MGST1: variants seen among roughly 807,000 people sequenced by gnomAD.
MGST1 encodes the protein glutathione S-transferase 12.
Under a neutral mutation model 8.9 loss-of-function variants are expected in MGST1, and 5 were observed. The ratio of observed to expected loss-of-function variants is 0.56; its 90% CI spans 0.29 to 1.19. MGST1 has a LOEUF of 1.19. Among genes scored for constraint, MGST1 ranks in the 50% most tolerant of loss-of-function variants. The pLI is 0.08. For synonymous variants in MGST1, 54 were observed against 67.8 expected, an observed-to-expected ratio of 0.80 and a Z score of 1.00; for missense variants, 182 against 187.4, an observed-to-expected ratio of 0.97 and a Z score of 0.17.
rs1358738406 is a variant in MGST1, at chr12:16,354,153, A to G, written c.-22-78A>G. The G allele has an allele frequency of 5.8e-6, 6 of 1,036,610 alleles. No individual in the cohort carries two copies. The African/African-American group carries it at 9.8e-5, about 17-fold the overall frequency. 64.2% of individuals were successfully genotyped at this position (1,036,610 alleles called of 1,614,324 possible). ...AGAACAGTATAATTAATGCTGCAATATAAGAACATCAAATGATCTTCCAGT... is the reference window on the plus strand; with the variant it reads ...AGAACAGTATAATTAATGCTGCAATGTAAGAACATCAAATGATCTTCCAGT... On this transcript the variant is annotated intron_variant, in intron 1 of 3. Transcript: ENST00000396210.
intron 1 of MGST1, among the ~76,000 whole-genome samples, chr12:16,415,710 A>T (rs548382935): frequency 5.3e-5 from 8 of 152,352 alleles, no homozygotes; most frequent in African/African-American, 1.9e-4. Flanking sequence ...TCTGATCAAC[A>T]GTAGGCTATT....
chr12:16,524,754 T>A (rs1317705669), intron 4 of MGST1, among the ~76,000 whole-genome samples: 1 of 152,100 alleles, frequency 6.6e-6, no homozygotes, highest in Admixed American at 6.6e-5. Context: ...CCATCTATTA[T>A]ATACAGAGCT....
At position 16,513,720 on chromosome 12, in the gene MGST1, C is replaced by G. The variant is rs1403932387; in HGVS notation, n.483-75808C>G. ...TTTGCAAGGCATCTGCAGAAGTAGC[C>G]TTGGGCGAGAATAGCGAAGTCTCGA... is the stretch of plus-strand genomic sequence containing the variant. On this transcript the variant is annotated intron_variant and non_coding_transcript_variant, in intron 4 of 4. Transcript: ENST00000538857. This position sits in a 1 kb window ranked among gnomAD's most constrained non-coding sequence, Gnocchi z 4.2. 1.2e-5 allele frequency: 7 copies of G among 562,858 alleles called. No individual in the cohort carries two copies. In the African/African-American group the frequency reaches 1.3e-4, roughly 11 times the overall value. 34.9% of individuals were successfully genotyped at this position (562,858 alleles called of 1,614,324 possible).
intron 4 of MGST1, among the ~76,000 whole-genome samples, chr12:16,577,329 C>T (rs1195961463): frequency 1.3e-5 from 2 of 152,174 alleles, no homozygotes; most frequent in Non-Finnish European, 1.5e-5. Flanking sequence ...AGGACCATCT[C>T]TTATCACAAT....
intron 1 of MGST1, chr12:16,399,495 G>A (rs1050962811): frequency 1.1e-5 from 17 of 1,559,520 alleles, no homozygotes; most frequent in African/African-American, 2.7e-5. Flanking sequence ...ACTACCCAAC[G>A]ACTCCTTAGA....
chr12:16,504,839 T>A (rs1305844518), intron 4 of MGST1, among the ~76,000 whole-genome samples: 1 of 152,194 alleles, frequency 6.6e-6, no homozygotes, highest in Non-Finnish European at 1.5e-5. Flanking sequence ...TTCAACCTAA[T>A]CCTCAGACAA....
chr12:16,539,621 C>T lies in MGST1; in HGVS notation n.483-49907C>T, dbSNP rs537265457. The stretch of plus-strand genomic sequence containing the variant: ...GTCAACTGTATCAGCTGGTCCCCAC[C>T]GTATAATGTCTGCCGACTCTACCCC... On this transcript the variant is annotated intron_variant and non_coding_transcript_variant, in intron 4 of 4. Coordinates refer to the MGST1 transcript ENST00000538857. 2.6e-5 allele frequency among the ~76,000 whole-genome samples: 4 copies of T among 152,186 alleles called. No homozygotes were observed. In the South Asian group the frequency reaches 6.2e-4, roughly 24 times the overall value.
At chr12:16,498,789 G>T (rs1591745555) in intron 4 of MGST1, among the ~76,000 whole-genome samples, 1 of 152,094 alleles carries the variant, frequency 6.6e-6, no homozygotes, top group African/African-American at 2.4e-5. Context: ...CCAACTAAGG[G>T]AAAAAGAAAC....
intron 4 of MGST1, among the ~76,000 whole-genome samples, chr12:16,507,904 G>C (rs1240487583): frequency 2.0e-5 from 3 of 152,166 alleles, no homozygotes; most frequent in Non-Finnish European, 4.4e-5. Context: ...CAAGGAATGA[G>C]CAATAGGAAG....
chr12:16,545,612 A>G (rs1449778692), intron 4 of MGST1, among the ~76,000 whole-genome samples: 2 of 152,016 alleles, frequency 1.3e-5, no homozygotes, highest in Non-Finnish European at 2.9e-5. Flanking sequence ...TGAAACTCGC[A>G]ACTTTTTACT....
At chr12:16,414,130 A>C (rs1940765125) in intron 1 of MGST1, among the ~76,000 whole-genome samples, 1 of 151,804 alleles carries the variant, frequency 6.6e-6, no homozygotes. Context: ...GTGCTCAGAA[A>C]GGCTCTCAGG....
At chr12:16,454,559 C>T (rs1184762671) in intron 4 of MGST1, among the ~76,000 whole-genome samples, 2 of 151,558 alleles carry the variant, frequency 1.3e-5, no homozygotes, top group Non-Finnish European at 2.9e-5. Context: ...CAAAGTCACC[C>T]GATAATAAGT....
intron 4 of MGST1, among the ~76,000 whole-genome samples, chr12:16,572,474 C>T (rs1194849098): frequency 6.7e-6 from 1 of 148,702 alleles, no homozygotes; most frequent in Middle Eastern, 3.6e-3. Context: ...ATTGGGTCAC[C>T]TTTAGGACTT....
rs397839947 is a variant in MGST1 at position 16,560,566 on chromosome 12, T to TA, written n.483-28961dup. 2 of 1,578,152 alleles carry TA rather than the reference T, an allele frequency of 1.3e-6. No individual in the cohort carries two copies. The highest frequency in any genetic ancestry group is 1.7e-6 in the Non-Finnish European group (2 of 1,156,414). On this transcript the variant is annotated intron_variant and non_coding_transcript_variant, in intron 4 of 4. Transcript: ENST00000538857. The surrounding 1 kb of genome is among the most constrained non-coding windows in gnomAD (Gnocchi z 5.0). ...AGAATAAGAAACATTTTTTTTTTTT[T>TA]ACAAACTCTTACAGAGAAATCTGAG...
At chr12:16,400,793 C>G in intron 1 of MGST1, 1 of 1,241,560 alleles carries the variant, frequency 8.1e-7, no homozygotes, top group Non-Finnish European at 1.2e-6. Context: ...TGTTGCAATG[C>G]CAAACACAGG....
intron 1 of MGST1, among the ~76,000 whole-genome samples, chr12:16,421,231 G>A (rs1358837542): frequency 6.6e-6 from 1 of 152,092 alleles, no homozygotes; most frequent in African/African-American, 2.4e-5. Flanking sequence ...CATTGCTTAA[G>A]AGTAGCCATA....
chr12:16,506,489 T>C (rs1941538578), intron 4 of MGST1, among the ~76,000 whole-genome samples: 1 of 152,086 alleles, frequency 6.6e-6, no homozygotes, highest in Non-Finnish European at 1.5e-5. Flanking sequence ...GAGAGACATA[T>C]AGAGAATTGT....
At chr12:16,453,801 G>A (rs972546992) in intron 4 of MGST1, among the ~76,000 whole-genome samples, 1 of 151,330 alleles carries the variant, frequency 6.6e-6, no homozygotes, top group South Asian at 2.1e-4. Flanking sequence ...CCCCATGTGC[G>A]TGTCTATCTA....
At chr12:16,578,996 A>G (rs1269023609) in intron 4 of MGST1, among the ~76,000 whole-genome samples, 1 of 152,204 alleles carries the variant, frequency 6.6e-6, no homozygotes, top group Non-Finnish European at 1.5e-5. Context: ...AAGGTCTAGT[A>G]TATTACATTT....
Sources: allele counts gnomAD v4.1 joint callset (sites outside exome capture counted in the v4.1 genomes callset), GRCh38; gene constraint gnomAD v4.1.1; non-coding constraint Gnocchi (gnomAD v3.1); transcripts MANE v1.5; gene names NCBI Gene and HGNC (gene_info 2026-07-23, HGNC 2026-07-21).